The following DLG1 variants were observed in gnomAD, a reference collection of about 807,000 sequenced individuals.
DLG1 encodes disks large homolog 1.
DLG1 carries 42 observed loss-of-function variants against 123.4 expected under a neutral mutation model. That is an observed-to-expected ratio of 0.34 (90% CI 0.27 to 0.44). The LOEUF is 0.44. DLG1 is among the 20% of genes least tolerant of loss of function. The pLI is 1.00. For synonymous variants in DLG1, 317 were observed against 356.2 expected (o/e 0.89, Z 1.24); for missense variants, 942 against 1,082.6 (o/e 0.87, Z 1.82).
At chr3:197,115,811 T>G (rs1772977021) in intron 13 of DLG1, 116 bp downstream of exon 13, 5 of 1,000,310 alleles carry the variant, frequency 5.0e-6, no homozygotes, top group Admixed American at 2.7e-5. Flanking sequence ...TGTAAAATGT[T>G]AAGAAGATAA....
intron 3 of DLG1, among the ~76,000 whole-genome samples, chr3:197,293,222 C>A (rs1775769850): frequency 6.6e-6 from 1 of 152,150 alleles, no homozygotes; most frequent in Non-Finnish European, 1.5e-5. Context: ...AAATTTTAAA[C>A]AAATGTGCAG....
rs561039929 is a variant in DLG1 at position 197,069,241 on chromosome 3, G to A, written c.2025C>T (p.Ala675=). 1 of 1,587,428 alleles carries A rather than the reference G, an allele frequency of 6.3e-7. No homozygotes were observed. Among genetic ancestry groups the A allele is most frequent in the Non-Finnish European group, 8.6e-7 (1 of 1,166,516 alleles). Residue 675 remains alanine (A), a synonymous_variant, in exon 19 of 25, where the codon GCC becomes GCT. Coordinates refer to ENST00000667157, the MANE Select transcript of DLG1 (RefSeq NM_001366207.1). The stretch of plus-strand genomic sequence containing the variant: ...TACGGTAACTACTTTCACTATCGCT[G>A]GCATTAGAAGTTACATGCTCTGAAA... The part of the protein sequence containing the change: ...SDADQHVTSN[A]SDSESSYRGQ...
intron 5 of DLG1, among the ~76,000 whole-genome samples, chr3:197,163,687 A>ATT (rs56865627): frequency 0.013 from 1,323 of 102,022 alleles, 38 homozygotes; most frequent in East Asian, 0.028. Flanking sequence ...ATGCTCAGCT[A>ATT]TTTTTTTTTT....
intron 5 of DLG1, among the ~76,000 whole-genome samples, chr3:197,157,759 G>C (rs528585746): frequency 4.9e-4 from 74 of 152,266 alleles, no homozygotes; most frequent in African/African-American, 1.6e-3. Flanking sequence ...GAAAAACAAA[G>C]GTGGCGGGCT....
chr3:197,074,860 T>C (rs1746208634), intron 18 of DLG1, among the ~76,000 whole-genome samples: 1 of 152,120 alleles, frequency 6.6e-6, no homozygotes, highest in Non-Finnish European at 1.5e-5. Flanking sequence ...AAATGTCTTA[T>C]GTAAAATTTA....
chr3:197,276,024 G>C (rs757706696), intron 4 of DLG1, among the ~76,000 whole-genome samples: 4 of 152,122 alleles, frequency 2.6e-5, no homozygotes, highest in South Asian at 2.1e-4. Context: ...AATTTTAAAA[G>C]AGTACTATTG....
chr3:197,225,077 C>A (rs989146920), intron 4 of DLG1, among the ~76,000 whole-genome samples: 1 of 152,166 alleles, frequency 6.6e-6, no homozygotes, highest in Non-Finnish European at 1.5e-5. Flanking sequence ...CTGCCTCAGC[C>A]CCCCAAGTAG....
At position 197,059,967 on chromosome 3, in the gene DLG1, T is replaced by G. The variant is rs1734622348; in HGVS notation, c.2405A>C (p.Asn802Thr). The G allele has an allele frequency of 6.2e-7, 1 of 1,613,700 alleles. No homozygotes were observed. The highest frequency in any genetic ancestry group is 1.3e-5 in the African/African-American group (1 of 74,888). Residue 802 changes from asparagine to threonine, a missense_variant, in exon 23 of 25, where the codon AAT becomes ACT. Asn to Thr is a moderately conservative substitution (Grantham distance 65). Coordinates refer to ENST00000667157, the MANE Select transcript of DLG1 (RefSeq NM_001366207.1). The part of the protein sequence containing the change: ...GKHCILDVSG[N>T]AIKRLQIAQL... ...TGCAATCTGTAATCTCTTTATGGCA[T>G]TTCCAGACACATCAAGGATACAGTG...
At chr3:197,171,385 C>T (rs989616594) in intron 5 of DLG1, among the ~76,000 whole-genome samples, 1 of 152,144 alleles carries the variant, frequency 6.6e-6, no homozygotes, top group Non-Finnish European at 1.5e-5. Flanking sequence ...TAGTAAAAAA[C>T]CAACAATATG....
At chr3:197,055,187 A>T (rs1730815861) in intron 23 of DLG1, among the ~76,000 whole-genome samples, 1 of 152,132 alleles carries the variant, frequency 6.6e-6, no homozygotes, top group African/African-American at 2.4e-5. Context: ...ACGGAGTTCA[A>T]GTGATCCTCT....
chr3:197,127,482 AT>A (rs1560878693), intron 11 of DLG1, among the ~76,000 whole-genome samples: 3,470 of 106,674 alleles, frequency 0.033, 213 homozygotes, highest in African/African-American at 0.054. Context: ...ATATATATAT[AT>A]ATATATATAT....
At chr3:197,137,994 C>T (rs778567685) in intron 9 of DLG1, among the ~76,000 whole-genome samples, 1 of 151,362 alleles carries the variant, frequency 6.6e-6, no homozygotes, top group South Asian at 2.1e-4. Flanking sequence ...AAAAAAACCC[C>T]GCAAAAAAAG....
intron 17 of DLG1, among the ~76,000 whole-genome samples, chr3:197,078,890 G>T (rs896190231): frequency 6.6e-6 from 1 of 152,102 alleles, no homozygotes; most frequent in South Asian, 2.1e-4. Flanking sequence ...ACAACCAAAA[G>T]AAACATGAAG....
chr3:197,217,264 A>G (rs1734587205), intron 4 of DLG1, among the ~76,000 whole-genome samples: 1 of 152,224 alleles, frequency 6.6e-6, no homozygotes, highest in Admixed American at 6.5e-5. Flanking sequence ...AAGGAAACAG[A>G]TGATACAAAA....
At chr3:197,057,129 G>A (rs1439428497) in intron 23 of DLG1, among the ~76,000 whole-genome samples, 1 of 152,066 alleles carries the variant, frequency 6.6e-6, no homozygotes, top group African/African-American at 2.4e-5. Context: ...AGGCTGGAGT[G>A]CAGTGGTGCA....
At chr3:197,213,965 G>C (rs7624492) in intron 4 of DLG1, among the ~76,000 whole-genome samples, 111,835 of 152,082 alleles carry the variant, frequency 0.74, 41,221 homozygotes, top group East Asian at 0.81. Flanking sequence ...CAGAGAAGCA[G>C]TAGAAGGTCT....
intron 22 of DLG1, among the ~76,000 whole-genome samples, chr3:197,063,133 T>C (rs1395247713): frequency 6.6e-6 from 1 of 151,656 alleles, no homozygotes; most frequent in Admixed American, 6.6e-5. Context: ...CTCTTCAATG[T>C]AGTTAAGTTA....
At chr3:197,250,563 C>T (rs1366526849) in intron 4 of DLG1, among the ~76,000 whole-genome samples, 29 of 142,848 alleles carry the variant, frequency 2.0e-4, no homozygotes, top group Non-Finnish European at 9.1e-5. Context: ...AGTGAGACTC[C>T]GTCTCAAAAA....
At chr3:197,248,389 G>A (rs1404856973) in intron 4 of DLG1, among the ~76,000 whole-genome samples, 5 of 152,148 alleles carry the variant, frequency 3.3e-5, no homozygotes, top group Non-Finnish European at 7.3e-5. Flanking sequence ...CCACCACAAT[G>A]AGGCAGTGGG....
Sources: allele counts gnomAD v4.1 joint callset (sites outside exome capture counted in the v4.1 genomes callset), GRCh38; gene constraint gnomAD v4.1.1; transcripts MANE v1.5; gene names NCBI Gene and HGNC (gene_info 2026-07-23, HGNC 2026-07-21).